SWAP70: variants seen among roughly 807,000 people sequenced by gnomAD.
SWAP70 encodes switch-associated protein 70.
Under a neutral mutation model 80.2 loss-of-function variants are expected in SWAP70, and 34 were observed. That is an observed-to-expected ratio of 0.42 (90% CI 0.32 to 0.56). The LOEUF (loss-of-function observed/expected upper bound fraction) is 0.56. SWAP70 is among the 20% of genes least tolerant of loss of function. SWAP70 has a pLI of 0.09. For missense variants in SWAP70, 578 were observed against 690.7 expected, an observed-to-expected ratio of 0.84 and a Z score of 1.83; for synonymous variants, 239 against 238.5, an observed-to-expected ratio of 1.00 and a Z score of -0.02.
intron 1 of SWAP70, among the ~76,000 whole-genome samples, chr11:9,669,932 AGT>A (rs1305118355): frequency 7.2e-5 from 11 of 152,128 alleles, no homozygotes; most frequent in Non-Finnish European, 1.5e-4. Flanking sequence ...GTTCAAGACT[AGT>A]GTGGCCAACG....
At chr11:9,668,061 G>A (rs762251564) in intron 1 of SWAP70, among the ~76,000 whole-genome samples, 13 of 152,034 alleles carry the variant, frequency 8.6e-5, no homozygotes, top group Non-Finnish European at 1.6e-4. Flanking sequence ...GCTAATTTTT[G>A]TATTTTTAGT....
chr11:9,697,347 A>G (rs1850771977), intron 2 of SWAP70, among the ~76,000 whole-genome samples: 1 of 151,168 alleles, frequency 6.6e-6, no homozygotes, highest in African/African-American at 2.4e-5. Context: ...CAGTGCCGCA[A>G]TCTCGGCTCA....
chr11:9,672,661 C>T (rs1850434403), intron 1 of SWAP70, among the ~76,000 whole-genome samples: 4 of 151,290 alleles, frequency 2.6e-5, no homozygotes, highest in South Asian at 4.2e-4. Flanking sequence ...CCACCACATC[C>T]AGCCTGTATC....
chr11:9,675,355 GAGAGAGAGAGAGAGAGAGA>G, intron 1 of SWAP70, among the ~76,000 whole-genome samples: 1 of 22,812 alleles, frequency 4.4e-5, no homozygotes, highest in Admixed American at 2.9e-4. Flanking sequence ...GCGAGAGAGA[GAGAGAGAGAGAGAGAGAGA>G]GAGAGAGAGA....
chr11:9,720,963 G>T (rs556646250), intron 3 of SWAP70, among the ~76,000 whole-genome samples: 1 of 151,912 alleles, frequency 6.6e-6, no homozygotes. Context: ...TTACAGGTGC[G>T]CACCACCACA....
At position 9,724,861 on chromosome 11, in the gene SWAP70, A is replaced by G; in HGVS notation, c.618A>G (p.Glu206=). The G allele has an allele frequency of 6.2e-7, 1 of 1,610,326 alleles. No homozygotes were observed. Among genetic ancestry groups the G allele is most frequent in the Non-Finnish European group, 8.5e-7 (1 of 1,176,826 alleles). Residue 206 remains glutamate (E), a synonymous_variant, in exon 4 of 12, where the codon GAA becomes GAG. Transcript: ENST00000318950. ...TGGCAATTAATGAAGTCTTTAATGA[A>G]CTTATATTAGATGTGTTAAAGCAGG... ...VSMAINEVFN[E]LILDVLKQGY... is the part of the protein sequence containing the mutation.
intron 8 of SWAP70, among the ~76,000 whole-genome samples, chr11:9,738,990 C>T (rs1156325519): frequency 6.6e-6 from 1 of 152,176 alleles, no homozygotes; most frequent in South Asian, 2.1e-4. Context: ...CCTTTTCATT[C>T]TCAAAACAGT....
intron 4 of SWAP70, among the ~76,000 whole-genome samples, chr11:9,726,412 A>G (rs1253138371): frequency 2.0e-5 from 3 of 151,752 alleles, no homozygotes; most frequent in African/African-American, 7.3e-5. Context: ...TTTTTTTCCT[A>G]ATGGAGCACA....
chr11:9,676,537 A>C lies in SWAP70; in HGVS notation c.99+12259A>C, dbSNP rs1236239314. Among the ~76,000 whole-genome samples, 9 of 152,110 alleles carry C rather than the reference A, an allele frequency of 5.9e-5. No individual in the cohort carries two copies. In the East Asian group the frequency reaches 1.7e-3, roughly 29 times the overall value. ...TCTTTATACTTTAAATTATCTCTAG[A>C]TTACTTATAATACCTAATGCAATAT... On this transcript the variant is annotated intron_variant, in intron 1 of 11. Coordinates refer to ENST00000318950, the MANE Select transcript of SWAP70 (RefSeq NM_015055.4).
intron 1 of SWAP70, among the ~76,000 whole-genome samples, chr11:9,687,471 TTTTG>T (rs1358177098): frequency 1.3e-5 from 2 of 152,232 alleles, no homozygotes; most frequent in African/African-American, 4.8e-5. Flanking sequence ...TATTTGCCTT[TTTTG>T]TTTTTTTATG....
At chr11:9,719,900 A>C (rs1322151878) in intron 3 of SWAP70, among the ~76,000 whole-genome samples, 1 of 152,240 alleles carries the variant, frequency 6.6e-6, no homozygotes, top group Non-Finnish European at 1.5e-5. Flanking sequence ...AAGCCAATAA[A>C]ATGCCCCTTA....
intron 1 of SWAP70, among the ~76,000 whole-genome samples, chr11:9,671,259 T>C (rs1242284085): frequency 1.3e-5 from 1 of 78,664 alleles, no homozygotes; most frequent in South Asian, 4.5e-4. Context: ...TATAAAAATA[T>C]ATAAAATATA....
rs76745340 is a variant in SWAP70, at chr11:9,693,830, C to G, written c.100-316C>G. On this transcript the variant is annotated intron_variant, in intron 1 of 11. Coordinates refer to ENST00000318950, the MANE Select transcript of SWAP70 (RefSeq NM_015055.4). ...ACACATTCTCTTAGACTTCCCCCCC[C>G]ACCCCACTTTTCTTTCTGATGTGGA... Among the ~76,000 whole-genome samples the G allele has an allele frequency of 9.1e-4, 139 of 152,102 alleles. 1 individual carries two copies. Among genetic ancestry groups the G allele is most frequent in the East Asian group, 4.6e-3 (24 of 5,174 alleles).
chr11:9,670,786 C>T (rs1398837150), intron 1 of SWAP70, among the ~76,000 whole-genome samples: 7 of 151,730 alleles, frequency 4.6e-5, no homozygotes, highest in South Asian at 2.1e-4. Context: ...CGGAGTCTTG[C>T]TCTATCACCC....
chr11:9,726,345 G>A (rs1003395144), intron 4 of SWAP70, among the ~76,000 whole-genome samples: 1 of 152,062 alleles, frequency 6.6e-6, no homozygotes, highest in South Asian at 2.1e-4. Context: ...ACTGATTTGG[G>A]ATTTCCTTAC....
chr11:9,675,401 G>C (rs1322956216), intron 1 of SWAP70, among the ~76,000 whole-genome samples: 1 of 135,178 alleles, frequency 7.4e-6, no homozygotes, highest in African/African-American at 2.9e-5. Context: ...GAGAGAGAGA[G>C]AGAGAGAGAG....
chr11:9,681,953 C>G (rs1434306564), intron 1 of SWAP70, among the ~76,000 whole-genome samples: 1 of 152,168 alleles, frequency 6.6e-6, no homozygotes, highest in East Asian at 1.9e-4. Context: ...GGAGAGTTAC[C>G]TGTACTCCAT....
At chr11:9,714,870 T>C (rs1406432921) in intron 3 of SWAP70, among the ~76,000 whole-genome samples, 1 of 147,756 alleles carries the variant, frequency 6.8e-6, no homozygotes, top group Non-Finnish European at 1.5e-5. Flanking sequence ...TGTAGTGCAA[T>C]GGCGCAATCT....
intron 1 of SWAP70, among the ~76,000 whole-genome samples, chr11:9,686,579 G>A (rs1447069169): frequency 6.6e-6 from 1 of 151,682 alleles, no homozygotes; most frequent in Non-Finnish European, 1.5e-5. Context: ...GAACTCCTGG[G>A]CTCAAGTGAT....
Sources: gnomAD v4.1 joint callset for allele counts (sites outside exome capture counted in the v4.1 genomes callset) on GRCh38, gnomAD v4.1.1 for gene constraint, MANE v1.5 for transcripts, NCBI Gene and HGNC (gene_info 2026-07-23, HGNC 2026-07-21) for gene names.